Variants in SPPL2A observed in about 807,000 individuals in gnomAD.
SPPL2A encodes the protein signal peptide peptidase like 2A.
Under a neutral mutation model 63.8 loss-of-function variants are expected in SPPL2A, and 51 were observed. That is an observed-to-expected ratio of 0.80 (90% CI 0.64 to 1.01). SPPL2A has a LOEUF of 1.01. SPPL2A is among the 50% of genes least tolerant of loss of function. The probability of loss-of-function intolerance (pLI) is 0.00; values close to 1 mark genes in which losing one functional copy is unlikely to be tolerated. For synonymous variants in SPPL2A, 188 were observed against 205.8 expected (o/e 0.91, Z 0.74); for missense variants, 553 against 622.7 (o/e 0.89, Z 1.19).
chr15:50,753,235 C>T (rs1175117381), intron 1 of SPPL2A, among the ~76,000 whole-genome samples: 1 of 152,070 alleles, frequency 6.6e-6, no homozygotes, highest in Non-Finnish European at 1.5e-5. Flanking sequence ...CAAGAAGCCC[C>T]TACAATGTAT....
intron 8 of SPPL2A, among the ~76,000 whole-genome samples, chr15:50,734,396 G>A (rs2062754138): frequency 6.6e-6 from 1 of 152,234 alleles, no homozygotes; most frequent in South Asian, 2.1e-4. Flanking sequence ...CATGTTAAGT[G>A]AAATAAGCCA....
At chr15:50,747,917 T>C (rs2062872122) in intron 4 of SPPL2A, 196 bp downstream of exon 4, 2 of 460,992 alleles carry the variant, frequency 4.3e-6, no homozygotes, top group Admixed American at 8.3e-5. Context: ...AAAACAAACA[T>C]CCTTTCTAAA....
At chr15:50,742,935 AGT>A (rs2062833524) in intron 5 of SPPL2A, 1 of 152,184 alleles carries the variant, frequency 6.6e-6, no homozygotes, top group Non-Finnish European at 1.5e-5. Flanking sequence ...CTAAACTCAA[AGT>A]GTGGTCCATA....
chr15:50,765,438 G>A, intron 1 of SPPL2A, 30 bp downstream of exon 1: 2 of 1,492,640 alleles, frequency 1.3e-6, no homozygotes, highest in Non-Finnish European at 1.8e-6. Context: ...CCAGCCCCTG[G>A]GAGGCCTGCG....
chr15:50,733,814 T>C (rs141961366), intron 8 of SPPL2A, among the ~76,000 whole-genome samples: 5 of 148,498 alleles, frequency 3.4e-5, no homozygotes, highest in African/African-American at 4.9e-5. Flanking sequence ...AACAACTCAA[T>C]AGAAAAAAAA....
At chr15:50,750,753 T>C (rs2062899396) in intron 1 of SPPL2A, among the ~76,000 whole-genome samples, 1 of 152,154 alleles carries the variant, frequency 6.6e-6, no homozygotes, top group Non-Finnish European at 1.5e-5. Flanking sequence ...CACATCACAA[T>C]AGATTAAGAG....
chr15:50,711,244 T>C (rs536528066), intron 14 of SPPL2A, among the ~76,000 whole-genome samples: 1 of 151,032 alleles, frequency 6.6e-6, no homozygotes, highest in Admixed American at 6.6e-5. Context: ...AGTGTTGCTT[T>C]TGTTGCCCAG....
chr15:50,712,218 G>A (rs1050164460), intron 14 of SPPL2A, among the ~76,000 whole-genome samples: 1 of 152,216 alleles, frequency 6.6e-6, no homozygotes, highest in Non-Finnish European at 1.5e-5. Context: ...CTGCAGGGCA[G>A]ATGTTAGTAA....
chr15:50,754,219 A>G (rs1405364805), intron 1 of SPPL2A, among the ~76,000 whole-genome samples: 1 of 152,214 alleles, frequency 6.6e-6, no homozygotes, highest in Non-Finnish European at 1.5e-5. Flanking sequence ...CCCAGTATCA[A>G]TATCCCACAG....
chr15:50,764,282 C>T (rs115333859), intron 1 of SPPL2A, among the ~76,000 whole-genome samples: 239 of 152,150 alleles, frequency 1.6e-3, no homozygotes, highest in African/African-American at 5.2e-3. Flanking sequence ...TAAGTATTAT[C>T]TGTCTGATTA....
intron 1 of SPPL2A, among the ~76,000 whole-genome samples, chr15:50,752,590 C>T (rs908187461): frequency 2.6e-5 from 4 of 151,612 alleles, no homozygotes; most frequent in Admixed American, 6.6e-5. Flanking sequence ...TGGTAGTGGG[C>T]GCCTGTAATC....
intron 1 of SPPL2A, among the ~76,000 whole-genome samples, chr15:50,753,492 A>G (rs191991584): frequency 3.2e-4 from 48 of 152,358 alleles, no homozygotes; most frequent in African/African-American, 1.1e-3. Context: ...GTACAAGGAT[A>G]CAATGCTAGT....
At chr15:50,723,195 T>C (rs1172029607) in intron 12 of SPPL2A, among the ~76,000 whole-genome samples, 4 of 152,240 alleles carry the variant, frequency 2.6e-5, no homozygotes, top group African/African-American at 7.2e-5. Flanking sequence ...GGGAACCCTG[T>C]ACATTGCTTA....
chr15:50,752,710 T>G (rs934540621), intron 1 of SPPL2A, among the ~76,000 whole-genome samples: 1 of 147,548 alleles, frequency 6.8e-6, no homozygotes, highest in Non-Finnish European at 1.5e-5. Flanking sequence ...AGAGCAAGAC[T>G]CCATCTGAAA....
chr15:50,736,200 A>G lies in SPPL2A; in HGVS notation c.833T>C (p.Ile278Thr). The change falls in exon 8 of 15, where the codon ATT becomes ACT. Residue 278 changes from isoleucine (I) to threonine (T), a missense_variant and splice_region_variant. By Grantham distance (89) the Ile-to-Thr change is moderately conservative (BLOSUM62 -1). Coordinates refer to ENST00000261854, the MANE Select transcript of SPPL2A (RefSeq NM_032802.4). ...IHKIPYGQCT[I>T]ACRGKNMEVR... ...TTCCATGTTTTTGCCACGACATGCA[A>G]TCCTAAAAAACAGATTAAAATAGTT... 4.4e-6 allele frequency: 7 copies of G among 1,594,522 alleles called. No individual in the cohort carries two copies. The highest frequency in any genetic ancestry group is 6.0e-6 in the Non-Finnish European group (7 of 1,162,702).
At position 50,765,530 on chromosome 15, in the gene SPPL2A, C is replaced by T; in HGVS notation, c.4G>A (p.Gly2Arg). ...GCAGGGGACAGCCGCCGCTGCGGCC[C>T]CATCGGACTGGTGGGTGCCGGGTGG... M[G>R]PQRRLSPAGA... Residue 2 changes from glycine (G) to arginine (R), a missense_variant, in exon 1 of 15, where the codon GGG becomes AGG. Coordinates refer to ENST00000261854, the MANE Select transcript of SPPL2A (RefSeq NM_032802.4). 6.7e-7 allele frequency: 1 copy of T among 1,497,426 alleles called. No individual in the cohort carries two copies. Among genetic ancestry groups the T allele is most frequent in the Non-Finnish European group, 8.8e-7 (1 of 1,131,158 alleles). 92.8% of individuals were successfully genotyped at this position (1,497,426 alleles called of 1,614,324 possible).
At chr15:50,745,831 A>G (rs983763369) in intron 5 of SPPL2A, among the ~76,000 whole-genome samples, 1 of 151,820 alleles carries the variant, frequency 6.6e-6, no homozygotes, top group Non-Finnish European at 1.5e-5. Context: ...TGGGCAGATC[A>G]CCTGAGGTCA....
chr15:50,710,306 G>C (rs914504148), intron 14 of SPPL2A, among the ~76,000 whole-genome samples: 1 of 152,010 alleles, frequency 6.6e-6, no homozygotes. Flanking sequence ...CATCTAACTT[G>C]CCTCTTCTTT....
Position 50,704,265 on chromosome 15 carries a change from C to A in SPPL2A, c.*3535G>T, listed in dbSNP as rs185488293. On this transcript the variant is annotated 3_prime_UTR_variant, in exon 15 of 15. Transcript: ENST00000261854. ...GCTGAGTCAGGAGAATTGCTTGAACCCGGGAGTCGGAGATTGCAGTGAGCT... is the reference window on the plus strand; with the variant it reads ...GCTGAGTCAGGAGAATTGCTTGAACACGGGAGTCGGAGATTGCAGTGAGCT... 8.7e-4 allele frequency: 129 copies of A among 148,844 alleles called. 1 individual carries two copies. Among genetic ancestry groups the A allele is most frequent in the Middle Eastern group, 3.6e-3 (1 of 274 alleles). 9.2% of individuals were successfully genotyped at this position (148,844 alleles called of 1,614,324 possible). A position where few individuals can be genotyped will look rare whatever the true frequency, so the allele number is the denominator to read the frequency against.
Sources: allele counts gnomAD v4.1 joint callset (sites outside exome capture counted in the v4.1 genomes callset), GRCh38; gene constraint gnomAD v4.1.1; transcripts MANE v1.5; gene names NCBI Gene and HGNC (gene_info 2026-07-23, HGNC 2026-07-21).